MYO9A: variants seen among roughly 807,000 people sequenced by gnomAD.
The protein encoded by MYO9A is unconventional myosin-IXa.
Under a neutral mutation model 293.3 loss-of-function variants are expected in MYO9A, and 103 were observed. The ratio of observed to expected loss-of-function variants is 0.35; its 90% CI spans 0.30 to 0.41. The LOEUF (loss-of-function observed/expected upper bound fraction) is 0.41, where lower values mean the gene tolerates loss of function less well. Ranked by LOEUF, MYO9A falls within the 10% of genes least tolerant of loss-of-function variation. MYO9A has a pLI of 1.00. For missense variants in MYO9A, 2,685 were observed against 3,033.0 expected, an observed-to-expected ratio of 0.89 and a Z score of 2.69; for synonymous variants, 1,001 against 1,035.7, an observed-to-expected ratio of 0.97 and a Z score of 0.64.
intron 40 of MYO9A, among the ~76,000 whole-genome samples, chr15:71,829,798 T>C (rs146248914): frequency 3.9e-5 from 6 of 152,252 alleles, no homozygotes; most frequent in African/African-American, 1.4e-4. Context: ...CCACTGTTAC[T>C]GCTAGATGAA....
intron 18 of MYO9A, among the ~76,000 whole-genome samples, chr15:71,918,798 C>T (rs1434880834): frequency 6.6e-6 from 1 of 152,098 alleles, no homozygotes; most frequent in Non-Finnish European, 1.5e-5. Flanking sequence ...ATGAAAAAAA[C>T]ACCAGAGGGA....
intron 40 of MYO9A, among the ~76,000 whole-genome samples, chr15:71,828,363 G>A (rs577278640): frequency 3.6e-4 from 55 of 152,170 alleles, no homozygotes; most frequent in African/African-American, 1.3e-3. Context: ...TATCCATAAT[G>A]CATCAGGAAA....
intron 6 of MYO9A, among the ~76,000 whole-genome samples, chr15:72,015,599 T>C (rs2077307618): frequency 6.6e-6 from 1 of 152,084 alleles, no homozygotes; most frequent in Non-Finnish European, 1.5e-5. Context: ...TACCTAATAG[T>C]TGGACCCTAA....
At chr15:71,949,178 A>G (rs2058994350) in intron 15 of MYO9A, among the ~76,000 whole-genome samples, 1 of 152,044 alleles carries the variant, frequency 6.6e-6, no homozygotes, top group Admixed American at 6.6e-5. Context: ...CTTTGTGGTC[A>G]CTGATCTTCC....
chr15:72,080,937 C>T (rs2079525634), intron 1 of MYO9A, among the ~76,000 whole-genome samples: 1 of 152,030 alleles, frequency 6.6e-6, no homozygotes, highest in East Asian at 1.9e-4. Context: ...TGTATATATA[C>T]ACCACATTTT....
intron 1 of MYO9A, among the ~76,000 whole-genome samples, chr15:72,062,160 G>A (rs1241689757): frequency 6.6e-6 from 1 of 152,170 alleles, no homozygotes; most frequent in Non-Finnish European, 1.5e-5. Context: ...CTAATGAAGA[G>A]ACAGCTACAA....
At chr15:72,001,553 CAA>C (rs199812533) in intron 8 of MYO9A, among the ~76,000 whole-genome samples, 28 of 102,508 alleles carry the variant, frequency 2.7e-4, no homozygotes, top group East Asian at 1.4e-3. Flanking sequence ...GACTCCATCT[CAA>C]AAAAAAAAAA....
At chr15:71,982,329 T>G (rs2076296674) in intron 11 of MYO9A, among the ~76,000 whole-genome samples, 1 of 152,104 alleles carries the variant, frequency 6.6e-6, no homozygotes, top group Admixed American at 6.6e-5. Context: ...CTAGAATATT[T>G]CTTAATTTTT....
chr15:71,960,032 T>C lies in MYO9A; in HGVS notation c.2051A>G (p.Lys684Arg). ...PDIVALLRSS[K>R]NAFISGMIGI... ...AATCATCCCAGAGATAAATGCATTCTTGCTGCTTCTCAGAAGAGCTACAAT... is the reference window on the plus strand; with the variant it reads ...AATCATCCCAGAGATAAATGCATTCCTGCTGCTTCTCAGAAGAGCTACAAT... The change falls in exon 14 of 42, where the codon AAG becomes AGG. Residue 684 changes from lysine (K) to arginine (R), a missense_variant. Transcript: ENST00000356056. 6.2e-7 allele frequency: 1 copy of C among 1,614,094 alleles called. No individual in the cohort carries two copies. The highest frequency in any genetic ancestry group is 8.5e-7 in the Non-Finnish European group (1 of 1,179,968).
At chr15:71,986,065 T>C (rs1437038945) in intron 11 of MYO9A, among the ~76,000 whole-genome samples, 2 of 152,208 alleles carry the variant, frequency 1.3e-5, no homozygotes, top group Non-Finnish European at 2.9e-5. Context: ...TGGCCCTCCA[T>C]ATCTGCAAAA....
intron 25 of MYO9A, among the ~76,000 whole-genome samples, chr15:71,894,549 A>G (rs2057269100): frequency 6.6e-6 from 1 of 152,212 alleles, no homozygotes; most frequent in Non-Finnish European, 1.5e-5. Flanking sequence ...TGCACACTCT[A>G]GCTTGGGTGA....
chr15:71,846,059 G>T (rs2055370989), intron 39 of MYO9A, among the ~76,000 whole-genome samples: 2 of 152,198 alleles, frequency 1.3e-5, no homozygotes, highest in Admixed American at 1.3e-4. Context: ...TGGAAAACTT[G>T]TATCTGCCCT....
At chr15:71,957,568 T>G (rs1351809374) in intron 14 of MYO9A, among the ~76,000 whole-genome samples, 1 of 152,144 alleles carries the variant, frequency 6.6e-6, no homozygotes. Context: ...GATTCTAGAC[T>G]TATGGTGATA....
chr15:72,046,696 A>G (rs1216715627), intron 1 of MYO9A, 62 bp from the exon 2 acceptor site: 1 of 1,135,554 alleles, frequency 8.8e-7, no homozygotes, highest in Non-Finnish European at 1.2e-6. Flanking sequence ...GATGCTCAAG[A>G]AAGAAAAGCT....
At chr15:71,981,790 A>C (rs1390029134) in intron 11 of MYO9A, among the ~76,000 whole-genome samples, 1 of 151,166 alleles carries the variant, frequency 6.6e-6, no homozygotes, top group Non-Finnish European at 1.5e-5. Flanking sequence ...TTCCTCTTTT[A>C]TCTCTATTAT....
chr15:72,076,020 TG>T (rs2079339198), intron 1 of MYO9A, among the ~76,000 whole-genome samples: 3 of 151,928 alleles, frequency 2.0e-5, no homozygotes, highest in Admixed American at 2.0e-4. Context: ...ACTATCTTTA[TG>T]GGCCAGGCGT....
chr15:72,088,295 T>G (rs962917605), intron 1 of MYO9A, among the ~76,000 whole-genome samples: 1 of 152,240 alleles, frequency 6.6e-6, no homozygotes, highest in African/African-American at 2.4e-5. Context: ...TATAATAAAC[T>G]CTATAGAATA....
intron 25 of MYO9A, chr15:71,897,259 C>T (rs1240173282): frequency 3.5e-6 from 2 of 578,982 alleles, no homozygotes; most frequent in Non-Finnish European, 6.0e-6. Context: ...CTCTGCTATT[C>T]ATGATCAGTC....
At chr15:71,883,572 T>TC in intron 28 of MYO9A, 22 bp downstream of exon 28, 1 of 1,600,674 alleles carries the variant, frequency 6.2e-7, no homozygotes, top group Non-Finnish European at 8.5e-7. Context: ...GAACACAAGT[T>TC]CCACCCTTTG....
Sources: gnomAD v4.1 joint callset for allele counts (sites outside exome capture counted in the v4.1 genomes callset) on GRCh38, gnomAD v4.1.1 for gene constraint, MANE v1.5 for transcripts, NCBI Gene and HGNC (gene_info 2026-07-23, HGNC 2026-07-21) for gene names.